The following PTPRT variants were observed in gnomAD, a reference collection of about 807,000 sequenced individuals.
The protein encoded by PTPRT is receptor-type tyrosine-protein phosphatase T.
Under a neutral mutation model 176.8 loss-of-function variants are expected in PTPRT, and 56 were observed. That is an observed-to-expected ratio of 0.32 (90% CI 0.26 to 0.40). PTPRT has a LOEUF of 0.40. Ranked by LOEUF, PTPRT falls within the 10% of genes least tolerant of loss-of-function variation. The probability of loss-of-function intolerance (pLI) is 1.00; values close to 1 mark genes in which losing one functional copy is unlikely to be tolerated. For synonymous variants in PTPRT, 783 were observed against 739.0 expected (o/e 1.06, Z -0.96); for missense variants, 1,540 against 1,908.2 (o/e 0.81, Z 3.60).
intron 7 of PTPRT, among the ~76,000 whole-genome samples, chr20:42,631,738 G>A (rs1197860436): frequency 6.6e-6 from 1 of 152,122 alleles, no homozygotes; most frequent in Non-Finnish European, 1.5e-5. Flanking sequence ...TAAAGCTGAG[G>A]GGATTCTTGA....
At chr20:42,198,075 G>A (rs1395115062) in intron 16 of PTPRT, among the ~76,000 whole-genome samples, 1 of 152,136 alleles carries the variant, frequency 6.6e-6, no homozygotes. Context: ...TCCAGATATG[G>A]ATGTGTTGAA....
intron 12 of PTPRT, among the ~76,000 whole-genome samples, chr20:42,307,430 G>C (rs970528622): frequency 2.0e-5 from 3 of 152,030 alleles, no homozygotes; most frequent in Non-Finnish European, 4.4e-5. Context: ...GAATAATTTA[G>C]CTTATCTTAA....
intron 1 of PTPRT, among the ~76,000 whole-genome samples, chr20:43,139,015 A>G (rs2013920816): frequency 6.6e-6 from 1 of 152,222 alleles, no homozygotes; most frequent in Non-Finnish European, 1.5e-5. Context: ...CTTGAGAAAC[A>G]CTGCAGAGAT....
intron 27 of PTPRT, among the ~76,000 whole-genome samples, chr20:42,093,565 C>G (rs923041753): frequency 3.3e-5 from 5 of 152,196 alleles, no homozygotes; most frequent in Non-Finnish European, 7.3e-5. Context: ...CCTGTGAGAG[C>G]TTACACCCTC....
At chr20:42,961,597 G>A (rs1469435879) in intron 1 of PTPRT, among the ~76,000 whole-genome samples, 2 of 152,208 alleles carry the variant, frequency 1.3e-5, no homozygotes, top group African/African-American at 4.8e-5. Context: ...CTTTAGGGCA[G>A]GGGAGAGGAA....
intron 1 of PTPRT, among the ~76,000 whole-genome samples, chr20:43,112,080 T>C (rs960760013): frequency 2.6e-5 from 4 of 152,206 alleles, no homozygotes; most frequent in African/African-American, 4.8e-5. Flanking sequence ...TATACAGCAA[T>C]GCAACAAAGA....
intron 16 of PTPRT, among the ~76,000 whole-genome samples, chr20:42,194,246 G>A (rs1991111540): frequency 1.3e-5 from 2 of 152,164 alleles, no homozygotes; most frequent in South Asian, 4.1e-4. Context: ...TACAGCACAG[G>A]GGTAGGCATG....
intron 6 of PTPRT, among the ~76,000 whole-genome samples, chr20:42,721,550 G>A (rs1178514957): frequency 6.6e-6 from 1 of 152,218 alleles, no homozygotes; most frequent in Non-Finnish European, 1.5e-5. Flanking sequence ...TGGATACACA[G>A]CCATGCTGAG....
chr20:42,220,776 A>G (rs1372101933), intron 15 of PTPRT, among the ~76,000 whole-genome samples: 1 of 152,196 alleles, frequency 6.6e-6, no homozygotes, highest in African/African-American at 2.4e-5. Context: ...CAAAAACGTT[A>G]AGAGACAAAA....
In PTPRT at chr20:42,363,270, TTATATATATATATATATA is replaced by T. The variant is rs1212021931; in HGVS notation, c.1561-11003_1561-10986del. Reference sequence around the variant, plus strand: ...ACATTCTTGCAGCAATTTATTACAATTATATATATATATATATATATATATATATATTTTTTTTTTTTT... The same window carrying T: ...ACATTCTTGCAGCAATTTATTACAATTATATATATATATTTTTTTTTTTTT... On this transcript the variant is annotated intron_variant, in intron 9 of 30. Coordinates refer to ENST00000373187, the MANE Select transcript of PTPRT (RefSeq NM_007050.6). Among the ~76,000 whole-genome samples the T allele has an allele frequency of 1.8e-3, 55 of 30,380 alleles. 1 individual carries two copies. The highest frequency in any genetic ancestry group is 7.3e-3 in the African/African-American group (54 of 7,384). 19.9% of individuals were successfully genotyped at this position (30,380 alleles called of 152,430 possible).
At chr20:42,331,284 C>T (rs954734346) in intron 11 of PTPRT, among the ~76,000 whole-genome samples, 1 of 152,108 alleles carries the variant, frequency 6.6e-6, no homozygotes, top group Non-Finnish European at 1.5e-5. Flanking sequence ...GCGATTAGAA[C>T]CCACAGCAAT....
rs188654703 is a variant in PTPRT at position 42,487,539 on chromosome 20, T to C, written c.1154-14977A>G. Among the ~76,000 whole-genome samples the C allele has an allele frequency of 4.5e-3, 678 of 152,104 alleles. 10 individuals are homozygous for C. Among genetic ancestry groups the C allele is most frequent in the African/African-American group, 0.016 (652 of 41,454 alleles). ...GAACTGGGGATATGATCCTGGATTA[T>C]CCGGGTGGGCCCCATGTACTCATAA... On this transcript the variant is annotated intron_variant, in intron 7 of 30. Transcript: ENST00000373187.
chr20:42,739,832 C>T (rs2076582187), intron 6 of PTPRT, among the ~76,000 whole-genome samples: 1 of 152,232 alleles, frequency 6.6e-6, no homozygotes, highest in African/African-American at 2.4e-5. Flanking sequence ...CAACTCCCTT[C>T]CTGCTCTATT....
chr20:42,834,984 T>C (rs1321668701), intron 2 of PTPRT, among the ~76,000 whole-genome samples: 2 of 152,148 alleles, frequency 1.3e-5, no homozygotes. Flanking sequence ...CCTTCAAATA[T>C]AACTTTTCTC....
At chr20:42,862,139 C>CTG (rs371529097) in intron 2 of PTPRT, among the ~76,000 whole-genome samples, 7 of 152,168 alleles carry the variant, frequency 4.6e-5, no homozygotes, top group African/African-American at 1.7e-4. Flanking sequence ...ACTTGAAGAT[C>CTG]TGGTGTATTT....
rs75275391 is a variant in PTPRT, at chr20:42,679,319, C to T, written c.860-1160G>A. ...TGGGGAAAAAAAAAAAAACTGACAA[C>T]CTAAGAAATCAGGTCACCTAACCAA... On this transcript the variant is annotated intron_variant, in intron 6 of 30. Transcript: ENST00000373187. Among the ~76,000 whole-genome samples, 1,068 of 151,408 alleles carry T rather than the reference C, an allele frequency of 7.1e-3. 7 individuals carry two copies. The highest frequency in any genetic ancestry group is 0.011 in the Non-Finnish European group (736 of 67,868).
intron 7 of PTPRT, among the ~76,000 whole-genome samples, chr20:42,664,042 A>G (rs1307548074): frequency 6.6e-6 from 1 of 152,240 alleles, no homozygotes; most frequent in Non-Finnish European, 1.5e-5. Flanking sequence ...AATGCCTGTA[A>G]GAACCTGCTT....
At chr20:42,664,197 A>G (rs1390391239) in intron 7 of PTPRT, among the ~76,000 whole-genome samples, 1 of 152,184 alleles carries the variant, frequency 6.6e-6, no homozygotes, top group East Asian at 1.9e-4. Context: ...TTTAGCAATT[A>G]CCTCTTTATG....
chr20:42,872,840 A>C (rs759397501), intron 2 of PTPRT, among the ~76,000 whole-genome samples: 6 of 152,172 alleles, frequency 3.9e-5, no homozygotes, highest in Non-Finnish European at 8.8e-5. Context: ...TAGGAAGCCC[A>C]GAGAAAGGCA....
Sources: allele counts gnomAD v4.1 joint callset (sites outside exome capture counted in the v4.1 genomes callset), GRCh38; gene constraint gnomAD v4.1.1; transcripts MANE v1.5; gene names NCBI Gene and HGNC (gene_info 2026-07-23, HGNC 2026-07-21).